RANBP2: variants seen among roughly 807,000 people sequenced by gnomAD.
RANBP2 encodes the protein RAN binding protein 2.
RANBP2 carries 57 observed loss-of-function variants against 303.6 expected under a neutral mutation model. The ratio of observed to expected loss-of-function variants is 0.19; its 90% confidence interval spans 0.15 to 0.23. The LOEUF (loss-of-function observed/expected upper bound fraction) is 0.23, where lower values mean the gene tolerates loss of function less well. Among genes scored for constraint, RANBP2 ranks in the 10% least tolerant of loss-of-function variants. The probability of loss-of-function intolerance (pLI) is 1.00; values close to 1 mark genes in which losing one functional copy is unlikely to be tolerated. For synonymous variants in RANBP2, 1,167 were observed against 1,301.5 expected (o/e 0.90, Z 2.23); for missense variants, 3,138 against 3,780.8 (o/e 0.83, Z 4.46).
the RANBP2 span, among the ~76,000 whole-genome samples, chr2:109,462,356 T>C: frequency 6.6e-6 from 1 of 152,070 alleles, no homozygotes; most frequent in Admixed American, 6.6e-5. Flanking sequence ...AATCACTGCA[T>C]ATCAGATACC....
At chr2:109,422,015 C>G in the RANBP2 span, among the ~76,000 whole-genome samples, 2 of 152,224 alleles carry the variant, frequency 1.3e-5, no homozygotes, top group Non-Finnish European at 2.9e-5. Context: ...GGGGATTAGC[C>G]TGACTGCTCA....
In RANBP2 at chr2:108,753,574, G is replaced by C; in HGVS notation, c.2055+11G>C. On this transcript the variant is annotated intron_variant, in intron 14 of 28. Transcript: ENST00000283195. ...TGGAATCTTGCACTGGTAAGTAGAT[G>C]CAGTACTTGAGCTAAAAGTTTTATT... is the stretch of plus-strand genomic sequence containing the variant. The C allele has an allele frequency of 6.2e-7, 1 of 1,607,470 alleles. No homozygotes were observed. The highest frequency in any genetic ancestry group is 8.5e-7 in the Non-Finnish European group (1 of 1,178,828).
chr2:109,678,275 A>G, the RANBP2 span, among the ~76,000 whole-genome samples: 23 of 152,348 alleles, frequency 1.5e-4, no homozygotes, highest in East Asian at 4.2e-3. Context: ...CAATATTCAC[A>G]CCCAAGAACT....
chr2:109,655,759 A>G, the RANBP2 span, among the ~76,000 whole-genome samples: 17 of 152,212 alleles, frequency 1.1e-4, no homozygotes, highest in Non-Finnish European at 2.1e-4. Flanking sequence ...CCTGGGAACA[A>G]AAAGAACACG....
the RANBP2 span, among the ~76,000 whole-genome samples, chr2:109,142,748 C>T: frequency 6.6e-6 from 1 of 152,210 alleles, no homozygotes; most frequent in Non-Finnish European, 1.5e-5. Flanking sequence ...CCTCTGGCTT[C>T]ACCTGCCAAA....
the RANBP2 span, chr2:109,615,052 G>A: frequency 1.3e-6 from 2 of 1,548,794 alleles, no homozygotes; most frequent in Non-Finnish European, 1.7e-6. Context: ...GAGGCGGACA[G>A]GGGCAGCTCC....
the RANBP2 span, chr2:109,544,224 A>G: frequency 1.2e-6 from 2 of 1,611,258 alleles, no homozygotes; most frequent in African/African-American, 2.7e-5. Context: ...TAAAACAAAT[A>G]ACAGCAAAAT....
At chr2:109,066,450 C>T in the RANBP2 span, among the ~76,000 whole-genome samples, 3 of 152,280 alleles carry the variant, frequency 2.0e-5, no homozygotes, top group East Asian at 1.9e-4. Context: ...ATCCACACCT[C>T]GCCACGCAAA....
the RANBP2 span, among the ~76,000 whole-genome samples, chr2:109,361,322 C>T: frequency 2.0e-5 from 3 of 152,122 alleles, no homozygotes; most frequent in Non-Finnish European, 4.4e-5. Flanking sequence ...ATTAGGGTAA[C>T]GTTAACCTCA....
chr2:109,056,416 G>A, the RANBP2 span, among the ~76,000 whole-genome samples: 7 of 151,872 alleles, frequency 4.6e-5, no homozygotes, highest in Admixed American at 2.0e-4. Context: ...TGTTCCTCCC[G>A]TCTCGGCCTC....
chr2:109,694,710 T>C, the RANBP2 span, among the ~76,000 whole-genome samples: 1 of 152,162 alleles, frequency 6.6e-6, no homozygotes, highest in Non-Finnish European at 1.5e-5. Flanking sequence ...CAGCATCATG[T>C]TGGCATTCAA....
At chr2:108,910,894 G>A in the RANBP2 span, 1 of 1,613,970 alleles carries the variant, frequency 6.2e-7, no homozygotes, top group Middle Eastern at 1.7e-4. Flanking sequence ...CTCCGACAGG[G>A]GGAGTTGACG....
the RANBP2 span, among the ~76,000 whole-genome samples, chr2:109,699,260 G>T: frequency 6.6e-6 from 1 of 152,110 alleles, no homozygotes; most frequent in African/African-American, 2.4e-5. Flanking sequence ...CTTTCTTTGC[G>T]CATTTTCTTT....
At chr2:109,412,265 G>A in the RANBP2 span, among the ~76,000 whole-genome samples, 4 of 152,216 alleles carry the variant, frequency 2.6e-5, no homozygotes, top group African/African-American at 9.7e-5. Flanking sequence ...CAAACACATT[G>A]CCCCCCTTTC....
In RANBP2 at chr2:108,766,631, A is replaced by C; in HGVS notation, c.6092A>C (p.Asp2031Ala). ...EKVELVTGEE[D>A]EKVLYSQRVK... ...GTAGAACTTGTAACAGGAGAAGAAG[A>C]TGAAAAAGTTCTGTATTCACAGCGG... Residue 2031 changes from aspartate (D) to alanine (A), a missense_variant, in exon 20 of 29, where the codon GAT becomes GCT. Physicochemically the swap from Asp to Ala is moderately radical, Grantham distance 126 (BLOSUM62 -2). Transcript: ENST00000283195. 6.2e-7 allele frequency: 1 copy of C among 1,612,038 alleles called. No homozygotes were observed. The highest frequency in any genetic ancestry group is 8.5e-7 in the Non-Finnish European group (1 of 1,179,854).
chr2:109,593,132 T>C, the RANBP2 span: 2 of 1,577,460 alleles, frequency 1.3e-6, no homozygotes, highest in Admixed American at 1.8e-5. Flanking sequence ...AAAAAAGGAA[T>C]ACAAAGGCTT....
chr2:109,544,918 C>T, the RANBP2 span: 1 of 971,244 alleles, frequency 1.0e-6, no homozygotes. Context: ...GAATTCCTTC[C>T]TCTTTTCCAA....
At chr2:109,515,210 C>G in the RANBP2 span, among the ~76,000 whole-genome samples, 3 of 152,318 alleles carry the variant, frequency 2.0e-5, no homozygotes, top group East Asian at 1.9e-4. Context: ...TAAATGGAAA[C>G]TCGGCGGCAC....
At chr2:109,733,804 C>T in the RANBP2 span, among the ~76,000 whole-genome samples, 1 of 150,944 alleles carries the variant, frequency 6.6e-6, no homozygotes, top group African/African-American at 2.4e-5. Flanking sequence ...CCCGAGAAAC[C>T]GAGGTTGCAG....
Sources: gnomAD v4.1 joint callset for allele counts (sites outside exome capture counted in the v4.1 genomes callset) on GRCh38, gnomAD v4.1.1 for gene constraint, MANE v1.5 for transcripts, NCBI Gene and HGNC (gene_info 2026-07-23, HGNC 2026-07-21) for gene names.